The following ATP10B variants were observed in gnomAD, a reference collection of about 807,000 sequenced individuals.
ATP10B encodes the protein ATPase phospholipid transporting 10B (putative).
In ATP10B, 122 loss-of-function variants were observed where a neutral mutation model predicts 141.2. That is an observed-to-expected ratio of 0.86 (90% confidence interval 0.75 to 1.00). The LOEUF (loss-of-function observed/expected upper bound fraction) is 1.00, where lower values mean the gene tolerates loss of function less well. ATP10B is among the 50% of genes least tolerant of loss of function. ATP10B has a pLI of 0.00. For missense variants in ATP10B, 1,876 were observed against 1,825.3 expected, an observed-to-expected ratio of 1.03 and a Z score of -0.51; for synonymous variants, 685 against 692.0, an observed-to-expected ratio of 0.99 and a Z score of 0.16.
At chr5:160,815,685 C>T (rs1046451128) in intron 1 of ATP10B, among the ~76,000 whole-genome samples, 3 of 152,206 alleles carry the variant, frequency 2.0e-5, no homozygotes, top group Admixed American at 2.0e-4. Context: ...CTACAGAACT[C>T]TCCACCCCAA....
intron 1 of ATP10B, among the ~76,000 whole-genome samples, chr5:160,807,024 A>G (rs893647045): frequency 9.2e-5 from 14 of 152,332 alleles, no homozygotes; most frequent in African/African-American, 3.4e-4. Flanking sequence ...AGAGATGCAC[A>G]GCTCAACCCA....
At chr5:160,756,604 A>T (rs1467442888) in intron 2 of ATP10B, among the ~76,000 whole-genome samples, 2 of 151,996 alleles carry the variant, frequency 1.3e-5, no homozygotes, top group African/African-American at 4.8e-5. Flanking sequence ...TCCAATTTTC[A>T]TTTCCTTATA....
the ATP10B span, among the ~76,000 whole-genome samples, chr5:160,892,784 T>G: frequency 1.3e-5 from 2 of 152,128 alleles, no homozygotes; most frequent in Admixed American, 6.5e-5. Flanking sequence ...AGATCCAGTG[T>G]GCAGCTCCCA....
At chr5:160,631,443 C>G (rs911071658) in intron 13 of ATP10B, among the ~76,000 whole-genome samples, 2 of 152,136 alleles carry the variant, frequency 1.3e-5, no homozygotes, top group Non-Finnish European at 2.9e-5. Flanking sequence ...GCAGAAAGCC[C>G]CAGACCAAAG....
At position 160,607,186 on chromosome 5, in the gene ATP10B, T is replaced by C. The variant is rs1307271837; in HGVS notation, c.2839-100A>G. 6.3e-6 allele frequency: 6 copies of C among 946,344 alleles called. No homozygotes were observed. In the Admixed American group the frequency reaches 7.9e-5, roughly 13 times the overall value. 58.6% of individuals were successfully genotyped at this position (946,344 alleles called of 1,614,324 possible). A position where few individuals can be genotyped will look rare whatever the true frequency, so the allele number is the denominator to read the frequency against. The stretch of plus-strand genomic sequence containing the variant: ...TAGTAAGATAGTCATAAAACTCTAC[T>C]ACCATAGAGATTATTTACAAGCTAT... On this transcript the variant is annotated intron_variant, in intron 18 of 25. Transcript: ENST00000327245.
Position 160,600,588 on chromosome 5 carries a change from G to T in ATP10B, c.3364-1618C>A, listed in dbSNP as rs560558170. Among the ~76,000 whole-genome samples the T allele has an allele frequency of 4.3e-4, 65 of 152,262 alleles. 1 individual carries two copies. In the South Asian group the frequency reaches 5.4e-3, roughly 13 times the overall value. Reference sequence around the variant, plus strand: ...ATTTGAATCAATGTAGTTAATCTTAGCTCTATGCTAACACCCATCCTGGAG... The same window carrying T: ...ATTTGAATCAATGTAGTTAATCTTATCTCTATGCTAACACCCATCCTGGAG... On this transcript the variant is annotated intron_variant, in intron 21 of 25. Transcript: ENST00000327245.
rs778227846 is a variant in ATP10B at position 160,602,632 on chromosome 5, T to C, written c.3308A>G (p.His1103Arg). ...HLKKLLLVHG[H>R]WCYSRLARMV... ...CCTGGCCAGGCGCGAGTAACACCAG[T>C]GGCCATGCACGAGCAGCAACTTCTT... is the stretch of plus-strand genomic sequence containing the variant. Residue 1103 changes from histidine (H) to arginine (R), a missense_variant, in exon 21 of 26, where the codon CAC becomes CGC. Transcript: ENST00000327245. 8.7e-6 allele frequency: 14 copies of C among 1,613,910 alleles called. No individual in the cohort carries two copies. Among genetic ancestry groups the C allele is most frequent in the African/African-American group, 1.3e-5 (1 of 74,908 alleles).
At chr5:160,755,684 G>A (rs1404844233) in intron 2 of ATP10B, among the ~76,000 whole-genome samples, 186 of 148,076 alleles carry the variant, frequency 1.3e-3, no homozygotes, top group Admixed American at 2.3e-3. Context: ...GCATAGTGGC[G>A]GGCGCCTGTA....
At chr5:160,806,709 T>G (rs1264875895) in intron 1 of ATP10B, among the ~76,000 whole-genome samples, 1 of 152,220 alleles carries the variant, frequency 6.6e-6, no homozygotes, top group East Asian at 1.9e-4. Context: ...TTTACACAGA[T>G]GCTATTTTTA....
intron 3 of ATP10B, among the ~76,000 whole-genome samples, chr5:160,714,916 T>G (rs1049923217): frequency 2.3e-4 from 33 of 144,496 alleles, no homozygotes; most frequent in African/African-American, 8.2e-4. Flanking sequence ...TGCCTCCCAG[T>G]TAGGCTGCTC....
intron 13 of ATP10B, 72 bp downstream of exon 13, chr5:160,632,057 T>C: frequency 7.0e-7 from 1 of 1,434,718 alleles, no homozygotes; most frequent in Non-Finnish European, 9.5e-7. Context: ...TTTTTTCTTT[T>C]TCACATTCCA....
chr5:160,886,855 T>A, the ATP10B span, among the ~76,000 whole-genome samples: 2 of 152,156 alleles, frequency 1.3e-5, no homozygotes, highest in Non-Finnish European at 2.9e-5. Context: ...ACAAGGCACA[T>A]TTGATGCTAT....
chr5:160,607,107 A>G (rs1757437793), intron 18 of ATP10B, 21 bp from the exon 19 acceptor site: 1 of 1,590,646 alleles, frequency 6.3e-7, no homozygotes, highest in Non-Finnish European at 8.6e-7. Context: ...GCATAATAAT[A>G]CAGTATTTGT....
intron 22 of ATP10B, among the ~76,000 whole-genome samples, chr5:160,597,661 A>G (rs559516364): frequency 1.3e-5 from 2 of 152,208 alleles, no homozygotes; most frequent in Admixed American, 6.5e-5. Context: ...CAAAGGGCTA[A>G]TATTCAGAAT....
At chr5:160,669,918 T>TAAAAAAAAAAA (rs776037475) in intron 7 of ATP10B, among the ~76,000 whole-genome samples, 9 of 89,686 alleles carry the variant, frequency 1.0e-4, no homozygotes, top group African/African-American at 4.1e-4. Context: ...CCCAGTCTCT[T>TAAAAAAAAAAA]AAAAAAAAAA....
chr5:160,700,615 T>C (rs1764613455), intron 3 of ATP10B, among the ~76,000 whole-genome samples: 1 of 152,200 alleles, frequency 6.6e-6, no homozygotes, highest in Non-Finnish European at 1.5e-5. Flanking sequence ...CTGAGTTACT[T>C]TTTCATAGGT....
chr5:160,693,403 A>AACACACAC (rs3075585), intron 3 of ATP10B, among the ~76,000 whole-genome samples: 4,073 of 125,580 alleles, frequency 0.032, 95 homozygotes, highest in East Asian at 0.092. Context: ...TGGGTCAGAA[A>AACACACAC]ACACACACAC....
At chr5:160,852,663 A>AT (rs1432626379), upstream of ATP10B, among the ~76,000 whole-genome samples, 2 of 152,178 alleles carry the variant, frequency 1.3e-5, no homozygotes, top group Non-Finnish European at 2.9e-5. Context: ...CCAATATATT[A>AT]TAGTGGCAGA....
chr5:160,881,745 A>G, the ATP10B span, among the ~76,000 whole-genome samples: 1 of 152,116 alleles, frequency 6.6e-6, no homozygotes, highest in Non-Finnish European at 1.5e-5. Context: ...CGGGAGGTGG[A>G]GCTTGCAGTG....
Sources: allele counts gnomAD v4.1 joint callset (sites outside exome capture counted in the v4.1 genomes callset), GRCh38; gene constraint gnomAD v4.1.1; transcripts MANE v1.5; gene names NCBI Gene and HGNC (gene_info 2026-07-23, HGNC 2026-07-21).